The following EFCAB8 variants were observed in gnomAD, a reference collection of about 807,000 sequenced individuals.
EFCAB8 encodes EF-hand calcium binding domain 8, also known as EF-hand calcium-binding domain-containing protein 8.
Under a neutral mutation model 116.3 loss-of-function variants are expected in EFCAB8, and 100 were observed. That is an observed-to-expected ratio of 0.86 (90% confidence interval 0.73 to 1.02). The LOEUF is 1.02. EFCAB8 is among the 50% of genes least tolerant of loss of function. EFCAB8 has a pLI of 0.00. For missense variants in EFCAB8, 1,320 were observed against 1,416.9 expected (o/e 0.93, Z 1.10); for synonymous variants, 558 against 567.9 (o/e 0.98, Z 0.25).
At chr20:32,941,274 AAAAG>A (rs1397953396) in intron 22 of EFCAB8, among the ~76,000 whole-genome samples, 4 of 149,136 alleles carry the variant, frequency 2.7e-5, no homozygotes, top group Admixed American at 1.3e-4. Context: ...AAAAAAAAGA[AAAAG>A]AACATAGAAA....
At chr20:32,951,877 T>C (rs1988808552) in intron 23 of EFCAB8, among the ~76,000 whole-genome samples, 1 of 152,256 alleles carries the variant, frequency 6.6e-6, no homozygotes, top group Non-Finnish European at 1.5e-5. Context: ...TGCTTTATTC[T>C]GGATACAAGT....
At chr20:32,922,705 C>T (rs542061702) in intron 20 of EFCAB8, among the ~76,000 whole-genome samples, 26 of 151,982 alleles carry the variant, frequency 1.7e-4, no homozygotes, top group African/African-American at 4.8e-4. Context: ...CTGAAGGAAG[C>T]GAGGAAACAT....
At position 32,918,551 on chromosome 20, in the gene EFCAB8, CCAGA is replaced by C. The variant is rs761627072; in HGVS notation, c.2255_2258del (p.Asp752GlyfsTer53). The C allele has an allele frequency of 6.4e-7, 1 of 1,551,594 alleles. No homozygotes were observed. Among genetic ancestry groups the C allele is most frequent in the Non-Finnish European group, 8.7e-7 (1 of 1,146,958 alleles). On this transcript the variant is annotated frameshift_variant, in exon 19 of 27. Transcript: ENST00000400522. LOFTEE classifies it high-confidence loss of function. ...GATGCGGTGCCCGAGAGACAAGGAG[CCAGA>C]CAGGCCTGTGCCCCAGCAGGTGGGA...
intron 11 of EFCAB8, among the ~76,000 whole-genome samples, chr20:32,901,836 C>T (rs1038488337): frequency 1.3e-5 from 2 of 152,124 alleles, no homozygotes; most frequent in Non-Finnish European, 2.9e-5. Flanking sequence ...TACAGGCACG[C>T]GCCATCATGC....
chr20:32,900,286 G>A (rs568172395), intron 11 of EFCAB8, among the ~76,000 whole-genome samples: 2 of 152,316 alleles, frequency 1.3e-5, no homozygotes, highest in African/African-American at 2.4e-5. Flanking sequence ...GCTTAGGGAG[G>A]GGAAGTGACT....
chr20:32,879,042 T>G (rs2146192416), intron 5 of EFCAB8, among the ~76,000 whole-genome samples: 1 of 152,252 alleles, frequency 6.6e-6, no homozygotes, highest in Non-Finnish European at 1.5e-5. Flanking sequence ...TCTGGAGAGG[T>G]CAAATGGCTG....
rs767661034 is a variant in EFCAB8, at chr20:32,878,755, C to A, written c.379C>A (p.Arg127=). 1 of 1,552,032 alleles carries A rather than the reference C, an allele frequency of 6.4e-7. No individual in the cohort carries two copies. ...TGAGTTCCAGGGAAAAGAGGACATG[C>A]GAAAGAGCCAGTACCGCCTGCACTT... The part of the protein sequence containing the change: ...MREFQGKEDM[R]KSQYRLHFYL... Residue 127 remains arginine (R), a synonymous_variant, in exon 5 of 27, where the codon CGA becomes AGA. Transcript: ENST00000400522.
Position 32,920,075 on chromosome 20 carries a change from C to A in EFCAB8, c.2275-3C>A. On this transcript the variant is annotated splice_polypyrimidine_tract_variant and splice_region_variant and intron_variant, in intron 19 of 26. Coordinates refer to ENST00000400522, the MANE Select transcript of EFCAB8 (RefSeq NM_001143967.2). ...TGACTTGGGTGCCCATCTTTCTTTC[C>A]AGAAACCTTCCAGTGCTTCTGGCAC... The A allele has an allele frequency of 6.4e-7, 1 of 1,551,700 alleles. No homozygotes were observed. The highest frequency in any genetic ancestry group is 8.7e-7 in the Non-Finnish European group (1 of 1,147,000).
In EFCAB8 at chr20:32,918,597, A is replaced by G. The variant is rs1239406058; in HGVS notation, c.2274+23A>G. On this transcript the variant is annotated intron_variant, in intron 19 of 26. Coordinates refer to ENST00000400522, the MANE Select transcript of EFCAB8 (RefSeq NM_001143967.2). ...CAGGTGGGAGCGAGAGCCCAACCAG[A>G]AGGCTACCCTCACTCTCTAGCCGCC... 5.8e-6 allele frequency: 9 copies of G among 1,548,878 alleles called. No individual in the cohort carries two copies. The African/African-American group carries it at 1.2e-4, about 21-fold the overall frequency.
At chr20:32,948,482 T>A (rs538575396) in intron 23 of EFCAB8, among the ~76,000 whole-genome samples, 1 of 143,102 alleles carries the variant, frequency 7.0e-6, no homozygotes, top group East Asian at 2.1e-4. Flanking sequence ...ATGAGGCAAC[T>A]TGGTACCAAA....
chr20:32,866,394 A>G (rs1984402281), intron 2 of EFCAB8, among the ~76,000 whole-genome samples: 2 of 152,024 alleles, frequency 1.3e-5, no homozygotes, highest in Admixed American at 1.3e-4. Flanking sequence ...TATCCACGTT[A>G]GAGTCTTTTA....
intron 6 of EFCAB8, 143 bp from the exon 7 acceptor site, chr20:32,889,158 T>C: frequency 1.5e-6 from 1 of 645,204 alleles, no homozygotes; most frequent in South Asian, 2.0e-5. Context: ...CCAAGGCCCC[T>C]ATCACTAGAC....
Position 32,938,067 on chromosome 20 carries a change from A to C in EFCAB8, c.2791-5569A>C, listed in dbSNP as rs190563190. Among the ~76,000 whole-genome samples the C allele has an allele frequency of 3.4e-4, 51 of 150,198 alleles. 4 individuals are homozygous for C. The highest frequency in any genetic ancestry group is 1.0e-4 in the Non-Finnish European group (7 of 67,506). On this transcript the variant is annotated intron_variant, in intron 22 of 26. Coordinates refer to ENST00000400522, the MANE Select transcript of EFCAB8 (RefSeq NM_001143967.2). ...TGAATATAGATACAAAAATCTTCAAAATACTAGCAAATTGAAACCAACAAC... is the reference window on the plus strand; with the variant it reads ...TGAATATAGATACAAAAATCTTCAACATACTAGCAAATTGAAACCAACAAC...
rs906615425 is a variant in EFCAB8 at position 32,961,562 on chromosome 20, G to A, written c.3820G>A (p.Ala1274Thr). ...CGAGCGGCCCCCAAGGCCTCTGAAG[G>A]CCACCTTCATGTCCTCTGTGAAGGG... ...SFERPPRPLK[A>T]TFMSSVKGSS... Residue 1274 changes from alanine (A) to threonine (T), a missense_variant, in exon 27 of 27, where the codon GCC becomes ACC. By Grantham distance (58) the Ala-to-Thr change is moderately conservative. Coordinates refer to ENST00000400522, the MANE Select transcript of EFCAB8 (RefSeq NM_001143967.2). 12 of 1,398,546 alleles carry A rather than the reference G, an allele frequency of 8.6e-6. No homozygotes were observed. The highest frequency in any genetic ancestry group is 1.9e-5 in the South Asian group (1 of 52,296). The allele number at this position is 1,398,546 out of a possible 1,614,324, so 86.6% of individuals were successfully genotyped here. A position where few individuals can be genotyped will look rare whatever the true frequency, so the allele number is the denominator to read the frequency against.
intron 3 of EFCAB8, among the ~76,000 whole-genome samples, chr20:32,871,243 A>G (rs1233022822): frequency 6.6e-6 from 1 of 151,382 alleles, no homozygotes; most frequent in African/African-American, 2.4e-5. Context: ...ACACTGTTCT[A>G]TTCTTTGCTT....
At chr20:32,949,481 A>G (rs1346414668) in intron 23 of EFCAB8, among the ~76,000 whole-genome samples, 1 of 152,244 alleles carries the variant, frequency 6.6e-6, no homozygotes, top group Admixed American at 6.5e-5. Flanking sequence ...AAGGGCTAAC[A>G]TTGCCTGATT....
chr20:32,859,158 A>AT (rs1458423230), intron 1 of EFCAB8, among the ~76,000 whole-genome samples, 152 bp downstream of exon 1: 2 of 152,098 alleles, frequency 1.3e-5, no homozygotes, highest in African/African-American at 4.8e-5. Context: ...GCCTCTACAA[A>AT]TTCGTACAAA....
In EFCAB8 at chr20:32,872,795, A is replaced by T. The variant is rs537196616; in HGVS notation, c.209-3131A>T. 2.6e-4 allele frequency among the ~76,000 whole-genome samples: 39 copies of T among 151,332 alleles called. 2 individuals are homozygous for T. The highest frequency in any genetic ancestry group is 7.6e-4 in the African/African-American group (31 of 41,058). The stretch of plus-strand genomic sequence containing the variant: ...GGCAACAGAGCGAGACTCCATCTCA[A>T]AAACAAAAACAAAAGGCCGGGTGCA... On this transcript the variant is annotated intron_variant, in intron 3 of 26. Transcript: ENST00000400522.
intron 1 of EFCAB8, among the ~76,000 whole-genome samples, chr20:32,862,282 C>T (rs748824258): frequency 6.6e-6 from 1 of 152,040 alleles, no homozygotes; most frequent in Non-Finnish European, 1.5e-5. Context: ...AGGCATGTGC[C>T]ACCACACCTG....
Sources: allele counts gnomAD v4.1 joint callset (sites outside exome capture counted in the v4.1 genomes callset), GRCh38; gene constraint gnomAD v4.1.1; transcripts MANE v1.5; gene names NCBI Gene and HGNC (gene_info 2026-07-23, HGNC 2026-07-21).